SRD5A3: variants seen among roughly 807,000 people sequenced by gnomAD.
SRD5A3 encodes the protein steroid 5 alpha-reductase 3.
In SRD5A3, 24 loss-of-function variants were observed where a neutral mutation model predicts 34.3. That is an observed-to-expected ratio of 0.70 (90% CI 0.51 to 0.99). SRD5A3 has a LOEUF of 0.99. SRD5A3 is among the 50% of genes least tolerant of loss of function. SRD5A3 has a pLI of 0.00. For missense variants in SRD5A3, 350 were observed against 388.2 expected (o/e 0.90, Z 0.83); for synonymous variants, 161 against 167.3 (o/e 0.96, Z 0.29).
intron 1 of SRD5A3, among the ~76,000 whole-genome samples, chr4:55,347,875 T>C (rs1719053004): frequency 6.6e-6 from 1 of 152,178 alleles, no homozygotes; most frequent in African/African-American, 2.4e-5. Context: ...TGATCAAACC[T>C]CCTGTTTCCT....
chr4:55,363,695 G>A (rs1188309384), intron 2 of SRD5A3, among the ~76,000 whole-genome samples: 1 of 152,106 alleles, frequency 6.6e-6, no homozygotes, highest in Non-Finnish European at 1.5e-5. Context: ...CTGAGATACT[G>A]GGGATCCCAC....
At chr4:55,352,376 C>T (rs190406272) in intron 1 of SRD5A3, 18 of 781,452 alleles carry the variant, frequency 2.3e-5, no homozygotes, top group South Asian at 8.0e-5. Flanking sequence ...ACTTCATGGT[C>T]GCATACTTCC....
At chr4:55,351,783 A>C (rs1334896958) in intron 1 of SRD5A3, 1 of 464,528 alleles carries the variant, frequency 2.2e-6, no homozygotes, top group Non-Finnish European at 4.2e-6. Flanking sequence ...CTGGTTGAAG[A>C]AAGGCAGAGG....
At chr4:55,354,309 G>A (rs1265935189) in intron 1 of SRD5A3, among the ~76,000 whole-genome samples, 2 of 152,140 alleles carry the variant, frequency 1.3e-5, no homozygotes, top group South Asian at 2.1e-4. Flanking sequence ...TGTTGGCCAG[G>A]CTGGTCTTGA....
At chr4:55,367,426 G>A (rs924731353) in intron 3 of SRD5A3, among the ~76,000 whole-genome samples, 162 bp from the exon 4 acceptor site, 5 of 152,172 alleles carry the variant, frequency 3.3e-5, no homozygotes, top group African/African-American at 1.2e-4. Context: ...ATTACATCGG[G>A]ATATTGAGGA....
Position 55,370,350 on chromosome 4 carries a change from CAACT to C in SRD5A3, c.*260_*263del, listed in dbSNP as rs780386340. The C allele has an allele frequency of 1.2e-5, 6 of 501,594 alleles. No individual in the cohort carries two copies. Among genetic ancestry groups the C allele is most frequent in the South Asian group, 2.2e-5 (1 of 46,362 alleles). The allele number at this position is 501,594 out of a possible 1,614,324, so 31.1% of individuals were successfully genotyped here. ...TTCTGAGATGCTTTCTAAAACCAAC[CAACT>C]GATAAAAAGTAGATGAGACTTCTCC... On this transcript the variant is annotated 3_prime_UTR_variant, in exon 5 of 5. Transcript: ENST00000264228.
rs561045432 is a variant in SRD5A3, at chr4:55,354,646, C to T, written c.222-4700C>T. Among the ~76,000 whole-genome samples, 96 of 152,320 alleles carry T rather than the reference C, an allele frequency of 6.3e-4. 1 individual carries two copies. The highest frequency in any genetic ancestry group is 1.2e-3 in the Admixed American group (18 of 15,300). The stretch of plus-strand genomic sequence containing the variant: ...CCCAGATAGCCACATGGTTTATCCC[C>T]TCACTTGCTGTAATTCTACTCAAAT... On this transcript the variant is annotated intron_variant, in intron 1 of 4. Coordinates refer to ENST00000264228, the MANE Select transcript of SRD5A3 (RefSeq NM_024592.5).
At chr4:55,361,033 A>G (rs1175040285) in intron 2 of SRD5A3, among the ~76,000 whole-genome samples, 1 of 152,158 alleles carries the variant, frequency 6.6e-6, no homozygotes, top group Middle Eastern at 3.2e-3. Flanking sequence ...AAACTATGAA[A>G]TGTCCTCAAT....
chr4:55,350,239 G>A lies in SRD5A3; in HGVS notation c.221+3682G>A, dbSNP rs184547377. Among the ~76,000 whole-genome samples the A allele has an allele frequency of 9.9e-4, 150 of 152,170 alleles. 1 individual carries two copies. Among genetic ancestry groups the A allele is most frequent in the African/African-American group, 3.2e-3 (131 of 41,518 alleles). On this transcript the variant is annotated intron_variant, in intron 1 of 4. Coordinates refer to ENST00000264228, the MANE Select transcript of SRD5A3 (RefSeq NM_024592.5). ...ACAAAAATTAGCTGGGCATGGTGGC[G>A]AGCACCGGTAATTCCAGCTACTTGG...
At chr4:55,366,794 C>T (rs984964220) in intron 3 of SRD5A3, 2 of 152,310 alleles carry the variant, frequency 1.3e-5, no homozygotes, top group Non-Finnish European at 2.9e-5. Flanking sequence ...AGGCTAACTG[C>T]TTCCTGCTGC....
At chr4:55,356,862 A>C (rs766809695) in intron 1 of SRD5A3, among the ~76,000 whole-genome samples, 7 of 152,058 alleles carry the variant, frequency 4.6e-5, no homozygotes, top group Non-Finnish European at 8.8e-5. Context: ...CATCTGCCCA[A>C]ATGGCTCCCC....
chr4:55,349,250 G>T (rs1306608831), intron 1 of SRD5A3, among the ~76,000 whole-genome samples: 1 of 152,104 alleles, frequency 6.6e-6, no homozygotes, highest in Non-Finnish European at 1.5e-5. Context: ...TGGCTAGGCT[G>T]GTCTTGAACT....
chr4:55,366,429 T>C (rs1313998339), intron 3 of SRD5A3, among the ~76,000 whole-genome samples: 1 of 152,322 alleles, frequency 6.6e-6, no homozygotes, highest in Non-Finnish European at 1.5e-5. Flanking sequence ...CCTCCTGCCT[T>C]GGCCCCCGCA....
intron 1 of SRD5A3, among the ~76,000 whole-genome samples, chr4:55,349,981 A>C (rs376405438): frequency 2.6e-5 from 4 of 152,352 alleles, no homozygotes; most frequent in Middle Eastern, 3.4e-3. Flanking sequence ...TACATTAAGA[A>C]TATTGATGAT....
At chr4:55,350,267 G>C (rs1719139170) in intron 1 of SRD5A3, among the ~76,000 whole-genome samples, 1 of 152,180 alleles carries the variant, frequency 6.6e-6, no homozygotes, top group African/African-American at 2.4e-5. Context: ...CTACTTGGGA[G>C]GCTGAGGTAG....
At chr4:55,348,022 T>C (rs1269437160) in intron 1 of SRD5A3, among the ~76,000 whole-genome samples, 1 of 152,218 alleles carries the variant, frequency 6.6e-6, no homozygotes, top group African/African-American at 2.4e-5. Flanking sequence ...ATGGCACATG[T>C]AAAATCATCC....
chr4:55,351,699 A>G, intron 1 of SRD5A3: 1 of 378,712 alleles, frequency 2.6e-6, no homozygotes, highest in Non-Finnish European at 5.2e-6. Context: ...TCCTCAGCTC[A>G]TAATAGAGCA....
chr4:55,360,875 A>G (rs1157351637), intron 2 of SRD5A3, among the ~76,000 whole-genome samples: 3 of 151,994 alleles, frequency 2.0e-5, no homozygotes, highest in Non-Finnish European at 4.4e-5. Flanking sequence ...TTTGGTAGAG[A>G]GATGGTGTTT....
At position 55,369,936 on chromosome 4, in the gene SRD5A3, G is replaced by A. The variant is rs549620113; in HGVS notation, c.802G>A (p.Val268Ile). The A allele has an allele frequency of 2.0e-5, 33 of 1,614,082 alleles. No individual in the cohort carries two copies. The highest frequency in any genetic ancestry group is 1.6e-4 in the Middle Eastern group (1 of 6,062). The change falls in exon 5 of 5, where the codon GTC becomes ATC. Residue 268 changes from valine to isoleucine, a missense_variant. By Grantham distance (29) the Val-to-Ile change is conservative. Around this residue, in one of 3 missense-constraint regions of SRD5A3, gnomAD observed 186 missense variants for 221.4 expected, o/e 0.84. Coordinates refer to ENST00000264228, the MANE Select transcript of SRD5A3 (RefSeq NM_024592.5). The stretch of plus-strand genomic sequence containing the variant: ...GCTGATGATCTACGTTTCCATGGCC[G>A]TCACCTTTGGGTTCCACAACTTAAC... ...AELMIYVSMA[V>I]TFGFHNLTWW...
Sources: allele counts gnomAD v4.1 joint callset (sites outside exome capture counted in the v4.1 genomes callset), GRCh38; gene constraint gnomAD v4.1.1; regional missense constraint gnomAD v4.1.1; transcripts MANE v1.5; gene names NCBI Gene and HGNC (gene_info 2026-07-23, HGNC 2026-07-21).